MEIS2: variants seen among roughly 807,000 people sequenced by gnomAD.
MEIS2 encodes Meis homeobox 2, also known as homeobox protein Meis2.
A neutral mutation model predicts 58.6 loss-of-function variants in MEIS2; 9 were observed. That is an observed-to-expected ratio of 0.15 (90% CI 0.09 to 0.27). The LOEUF (loss-of-function observed/expected upper bound fraction) is 0.27, where lower values mean the gene tolerates loss of function less well. MEIS2 is among the 10% of genes least tolerant of loss of function. MEIS2 has a pLI of 1.00. For missense variants in MEIS2, 427 were observed against 635.0 expected (o/e 0.67, Z 3.52); for synonymous variants, 221 against 228.4 (o/e 0.97, Z 0.29).
At chr15:37,005,544 AG>A (rs1294284458) in intron 8 of MEIS2, among the ~76,000 whole-genome samples, 1 of 152,078 alleles carries the variant, frequency 6.6e-6, no homozygotes, top group Non-Finnish European at 1.5e-5. Context: ...TGCATTCTGT[AG>A]GCCAGTCCTA....
chr15:36,970,382 C>A (rs549900208), intron 8 of MEIS2, among the ~76,000 whole-genome samples: 1 of 147,332 alleles, frequency 6.8e-6, no homozygotes, highest in South Asian at 2.1e-4. Flanking sequence ...CCAGCCTGGG[C>A]GACAGAGCAA....
chr15:36,974,109 T>C lies in MEIS2; in HGVS notation c.901-23709A>G, dbSNP rs576558538. On this transcript the variant is annotated intron_variant, in intron 8 of 11. Coordinates refer to ENST00000561208, the MANE Select transcript of MEIS2 (RefSeq NM_170675.5). The stretch of plus-strand genomic sequence containing the variant: ...CGAAGAGTGTCACCAAACTTTCAGG[T>C]ACAGATAAATTCTTGTCTGGTTATC... 1.8e-4 allele frequency among the ~76,000 whole-genome samples: 28 copies of C among 152,332 alleles called. No homozygotes were observed. The Middle Eastern group carries it at 0.01, about 56-fold the overall frequency.
chr15:36,943,966 C>A (rs913586681), intron 9 of MEIS2, among the ~76,000 whole-genome samples: 1 of 151,968 alleles, frequency 6.6e-6, no homozygotes, highest in South Asian at 2.1e-4. Context: ...AAATGGTACT[C>A]CCATCTCTAC....
chr15:36,940,216 T>C (rs2058326409), intron 9 of MEIS2, among the ~76,000 whole-genome samples: 1 of 152,160 alleles, frequency 6.6e-6, no homozygotes, highest in Non-Finnish European at 1.5e-5. Context: ...ACCTAGCAAA[T>C]CTTTCAAATG....
chr15:37,076,163 G>A (rs559954096), intron 7 of MEIS2, among the ~76,000 whole-genome samples: 2 of 151,954 alleles, frequency 1.3e-5, no homozygotes, highest in South Asian at 4.2e-4. Context: ...ATTTCCACAT[G>A]TGAAAATAAA....
chr15:37,098,461 G>C, intron 1 of MEIS2: 1 of 1,093,810 alleles, frequency 9.1e-7, no homozygotes, highest in Non-Finnish European at 1.2e-6. Flanking sequence ...AAGGAGAAAA[G>C]TACCGAGCAC....
At position 36,917,731 on chromosome 15, in the gene MEIS2, A is replaced by C. The variant is rs187494306; in HGVS notation, c.978-21045T>G. Among the ~76,000 whole-genome samples the C allele has an allele frequency of 8.5e-5, 13 of 152,300 alleles. No individual in the cohort carries two copies. In the East Asian group the frequency reaches 2.5e-3, roughly 29 times the overall value. ...CTAACTCATCATTGTACTGAACACA[A>C]CCTAAAAGAGTTTCAGGGTCAATGA... On this transcript the variant is annotated intron_variant, in intron 9 of 11. Coordinates refer to ENST00000561208, the MANE Select transcript of MEIS2 (RefSeq NM_170675.5).
intron 6 of MEIS2, among the ~76,000 whole-genome samples, chr15:37,089,908 T>G (rs967374354): frequency 2.0e-5 from 3 of 152,156 alleles, no homozygotes; most frequent in Admixed American, 1.3e-4. Context: ...TTGTGTAAAA[T>G]AGATAATGTG....
intron 7 of MEIS2, among the ~76,000 whole-genome samples, chr15:37,047,175 A>T (rs2062709839): frequency 6.6e-6 from 1 of 152,160 alleles, no homozygotes; most frequent in Non-Finnish European, 1.5e-5. Context: ...TGATCTCTCA[A>T]ATGCCCTTTT....
intron 8 of MEIS2, among the ~76,000 whole-genome samples, chr15:36,969,358 C>T (rs894744256): frequency 1.3e-5 from 2 of 152,164 alleles, no homozygotes; most frequent in African/African-American, 2.4e-5. Flanking sequence ...TTCTCCTCTA[C>T]TGCACAAATT....
chr15:37,007,324 T>C (rs1198579174), intron 8 of MEIS2, among the ~76,000 whole-genome samples: 1 of 151,772 alleles, frequency 6.6e-6, no homozygotes, highest in Admixed American at 6.6e-5. Context: ...AAGCCAGGGG[T>C]TCAAGACCAG....
At chr15:36,903,729 C>A (rs1194614001) in intron 9 of MEIS2, among the ~76,000 whole-genome samples, 1 of 152,196 alleles carries the variant, frequency 6.6e-6, no homozygotes, top group East Asian at 1.9e-4. Flanking sequence ...TCTTAGCCAA[C>A]TCCCATTATG....
chr15:36,967,271 T>G (rs2059386657), intron 8 of MEIS2, among the ~76,000 whole-genome samples: 1 of 152,164 alleles, frequency 6.6e-6, no homozygotes, highest in African/African-American at 2.4e-5. Flanking sequence ...AGCATCTTAT[T>G]TTCCTGTTGG....
At position 37,099,712 on chromosome 15, in the gene MEIS2, TCCTCCTCCTCCA is replaced by T. The variant is rs1894869866; in HGVS notation, c.-258_-247del. 2.3e-6 allele frequency: 1 copy of T among 434,570 alleles called. No individual in the cohort carries two copies. Among genetic ancestry groups the T allele is most frequent in the Non-Finnish European group, 4.1e-6 (1 of 244,346 alleles). 26.9% of individuals were successfully genotyped at this position (434,570 alleles called of 1,614,324 possible). ...TTCTTCCTCCTCCTCCTGATCTTCC[TCCTCCTCCTCCA>T]CCTCCTCCTCCTCCCCCCTCCCCTC... On this transcript the variant is annotated 5_prime_UTR_variant, in exon 1 of 12. Transcript: ENST00000561208.
At chr15:36,922,650 G>C (rs1307608392) in intron 9 of MEIS2, among the ~76,000 whole-genome samples, 1 of 93,388 alleles carries the variant, frequency 1.1e-5, no homozygotes, top group African/African-American at 3.6e-5. Context: ...ATGGAGTTTT[G>C]CTCTTTCTTG....
intron 1 of MEIS2, 195 bp downstream of exon 1, chr15:37,099,260 G>A (rs1894798815): frequency 6.9e-7 from 1 of 1,448,096 alleles, no homozygotes; most frequent in Non-Finnish European, 9.1e-7. Context: ...ACACACGCAC[G>A]CACACACACT....
intron 9 of MEIS2, among the ~76,000 whole-genome samples, chr15:36,937,416 A>G (rs569337512): frequency 4.3e-4 from 65 of 152,286 alleles, no homozygotes; most frequent in African/African-American, 1.5e-3. Flanking sequence ...TGCTCTTCTG[A>G]ATAGGGGTAT....
chr15:37,034,285 G>A (rs2141725472), intron 8 of MEIS2, among the ~76,000 whole-genome samples: 1 of 152,196 alleles, frequency 6.6e-6, no homozygotes, highest in African/African-American at 2.4e-5. Context: ...AAAGTCCAGG[G>A]AACTTAATGG....
intron 8 of MEIS2, among the ~76,000 whole-genome samples, chr15:37,008,693 CA>C (rs2061011946): frequency 6.6e-6 from 1 of 152,110 alleles, no homozygotes; most frequent in Non-Finnish European, 1.5e-5. Context: ...AGAAAATTAT[CA>C]AAACTATTTT....
Sources: allele counts gnomAD v4.1 joint callset (sites outside exome capture counted in the v4.1 genomes callset), GRCh38; gene constraint gnomAD v4.1.1; transcripts MANE v1.5; gene names NCBI Gene and HGNC (gene_info 2026-07-23, HGNC 2026-07-21).